The following ERC2 variants were observed in gnomAD, a reference collection of about 807,000 sequenced individuals.
The protein encoded by ERC2 is ERC protein 2.
ERC2 carries 42 observed loss-of-function variants against 114.8 expected under a neutral mutation model. The observed-to-expected ratio is 0.37, with a 90% confidence interval of 0.29 to 0.47. The LOEUF (loss-of-function observed/expected upper bound fraction) is 0.47, where lower values mean the gene tolerates loss of function less well. Among genes scored for constraint, ERC2 ranks in the 20% least tolerant of loss-of-function variants. The pLI is 0.99. For synonymous variants in ERC2, 454 were observed against 425.5 expected (o/e 1.07, Z -0.82); for missense variants, 939 against 1,150.7 (o/e 0.82, Z 2.66).
At chr3:56,117,904 G>T (rs950073593) in intron 6 of ERC2, among the ~76,000 whole-genome samples, 10 of 152,356 alleles carry the variant, frequency 6.6e-5, no homozygotes, top group Admixed American at 2.0e-4. Context: ...AGACACAGGG[G>T]TTTAGAGGTG....
chr3:55,840,571 C>T (rs181367019), intron 14 of ERC2, among the ~76,000 whole-genome samples: 62 of 152,038 alleles, frequency 4.1e-4, no homozygotes, highest in Non-Finnish European at 4.0e-4. Flanking sequence ...AAACAGTCAA[C>T]GATTTCTTGA....
At chr3:56,053,445 G>A (rs1407053543) in intron 7 of ERC2, among the ~76,000 whole-genome samples, 1 of 152,140 alleles carries the variant, frequency 6.6e-6, no homozygotes, top group Non-Finnish European at 1.5e-5. Context: ...TCAAAGGACA[G>A]GATGACCTCA....
rs60137180 is a variant in ERC2 at position 56,437,686 on chromosome 3, C to G, written c.-140-2539G>C. Among the ~76,000 whole-genome samples, 1,113 of 152,146 alleles carry G rather than the reference C, an allele frequency of 7.3e-3. 16 individuals carry two copies. The highest frequency in any genetic ancestry group is 0.026 in the African/African-American group (1,069 of 41,510). ...TGTTTTTCTTGGAAATACACAAAAA[C>G]CATTTTGTATCTAAGATTTTTACAT... is the stretch of plus-strand genomic sequence containing the variant. On this transcript the variant is annotated intron_variant, in intron 1 of 17. Coordinates refer to ENST00000288221, the MANE Select transcript of ERC2 (RefSeq NM_015576.3).
chr3:55,829,842 G>T (rs1559724731), intron 14 of ERC2, among the ~76,000 whole-genome samples: 2 of 152,178 alleles, frequency 1.3e-5, no homozygotes, highest in South Asian at 4.2e-4. Flanking sequence ...TCGAACATTT[G>T]TGTCATTGGA....
chr3:56,093,147 G>A (rs1431472420), intron 6 of ERC2, among the ~76,000 whole-genome samples: 3 of 152,068 alleles, frequency 2.0e-5, no homozygotes, highest in African/African-American at 7.2e-5. Context: ...CCTGGAGGAT[G>A]GGGACTTGTG....
chr3:56,289,284 T>C (rs2054925725), intron 3 of ERC2, among the ~76,000 whole-genome samples: 1 of 152,176 alleles, frequency 6.6e-6, no homozygotes, highest in Non-Finnish European at 1.5e-5. Flanking sequence ...TGCCTACAGG[T>C]GGAGATGACC....
chr3:56,064,883 ATT>A (rs1428170464), intron 7 of ERC2, among the ~76,000 whole-genome samples: 1 of 152,178 alleles, frequency 6.6e-6, no homozygotes, highest in Non-Finnish European at 1.5e-5. Context: ...TTATTTACTC[ATT>A]CTGAATCCAA....
chr3:55,843,537 CA>C (rs1313340241), intron 14 of ERC2, among the ~76,000 whole-genome samples: 2 of 152,194 alleles, frequency 1.3e-5, no homozygotes, highest in African/African-American at 4.8e-5. Context: ...AAGAAGAGAT[CA>C]AAAGTGTGAT....
At chr3:55,989,664 C>G (rs1247801808) in intron 11 of ERC2, among the ~76,000 whole-genome samples, 1 of 152,112 alleles carries the variant, frequency 6.6e-6, no homozygotes, top group Admixed American at 6.6e-5. Flanking sequence ...TTCTTATGAG[C>G]TCTGCAACCT....
intron 7 of ERC2, among the ~76,000 whole-genome samples, chr3:56,073,748 T>C (rs945235928): frequency 6.6e-6 from 1 of 152,156 alleles, no homozygotes; most frequent in Non-Finnish European, 1.5e-5. Flanking sequence ...TGCTTACATG[T>C]CTCAAATCAT....
intron 2 of ERC2, among the ~76,000 whole-genome samples, chr3:56,425,158 G>A (rs1559484198): frequency 2.0e-5 from 3 of 152,000 alleles, no homozygotes; most frequent in Non-Finnish European, 2.9e-5. Flanking sequence ...TTCTAATAGG[G>A]TCACCAATCA....
chr3:56,003,954 C>T (rs1187820994), intron 10 of ERC2, among the ~76,000 whole-genome samples: 1 of 151,954 alleles, frequency 6.6e-6, no homozygotes. Flanking sequence ...ATCTGGGGCT[C>T]AATGTCAAGG....
intron 14 of ERC2, among the ~76,000 whole-genome samples, chr3:55,825,248 A>G (rs1229049961): frequency 6.6e-6 from 1 of 151,850 alleles, no homozygotes. Flanking sequence ...CCTGAAAAAT[A>G]CTCCTCCTCC....
At chr3:56,109,274 T>G (rs2078835964) in intron 6 of ERC2, among the ~76,000 whole-genome samples, 1 of 152,172 alleles carries the variant, frequency 6.6e-6, no homozygotes, top group African/African-American at 2.4e-5. Flanking sequence ...ACATGCGGTA[T>G]TTGATTTTCT....
intron 14 of ERC2, among the ~76,000 whole-genome samples, chr3:55,824,968 C>T: frequency 6.6e-6 from 1 of 152,194 alleles, no homozygotes; most frequent in Admixed American, 6.5e-5. Flanking sequence ...AGCCAAATAA[C>T]TCATTTTTCC....
chr3:55,733,464 TCACA>T (rs60980671), intron 15 of ERC2, among the ~76,000 whole-genome samples: 65,396 of 133,472 alleles, frequency 0.49, 16,853 homozygotes, highest in South Asian at 0.7. Context: ...TCTCTCTCTC[TCACA>T]CACACACACA....
At chr3:56,007,092 T>G (rs2072551540) in intron 10 of ERC2, 89 bp downstream of exon 10, 2 of 1,193,440 alleles carry the variant, frequency 1.7e-6, no homozygotes, top group Admixed American at 2.7e-5. Context: ...AGATAAGGGG[T>G]TTGTTTCTTT....
intron 2 of ERC2, among the ~76,000 whole-genome samples, chr3:56,371,097 T>C (rs1372810339): frequency 6.6e-6 from 1 of 152,214 alleles, no homozygotes; most frequent in Non-Finnish European, 1.5e-5. Flanking sequence ...AGATTCAGAT[T>C]CTGGCTTTTC....
intron 8 of ERC2, among the ~76,000 whole-genome samples, chr3:56,016,155 T>C (rs2073292523): frequency 6.6e-6 from 1 of 152,170 alleles, no homozygotes; most frequent in South Asian, 2.1e-4. Flanking sequence ...ATTCTGTAGG[T>C]TGTCTGTTTG....
Sources: allele counts gnomAD v4.1 joint callset (sites outside exome capture counted in the v4.1 genomes callset), GRCh38; gene constraint gnomAD v4.1.1; transcripts MANE v1.5; gene names NCBI Gene and HGNC (gene_info 2026-07-23, HGNC 2026-07-21).